The following MBNL2 variants were observed in gnomAD, a reference collection of about 807,000 sequenced individuals.
The protein encoded by MBNL2 is muscleblind-like protein 2.
MBNL2 carries 17 observed loss-of-function variants against 41.9 expected under a neutral mutation model. The ratio of observed to expected loss-of-function variants is 0.41; its 90% confidence interval spans 0.28 to 0.61. The LOEUF is 0.61. Ranked by LOEUF, MBNL2 falls within the 20% of genes least tolerant of loss-of-function variation. The probability of loss-of-function intolerance (pLI) is 0.35; values close to 1 mark genes in which losing one functional copy is unlikely to be tolerated. For synonymous variants in MBNL2, 195 were observed against 182.9 expected, an observed-to-expected ratio of 1.07 and a Z score of -0.53; for missense variants, 336 against 505.6, an observed-to-expected ratio of 0.66 and a Z score of 3.22.
intron 2 of MBNL2, among the ~76,000 whole-genome samples, chr13:97,314,330 G>A (rs538485637): frequency 6.6e-6 from 1 of 152,274 alleles, no homozygotes; most frequent in African/African-American, 2.4e-5. Context: ...ATGAAAACTT[G>A]TAAAGTTTTC....
upstream of MBNL2, among the ~76,000 whole-genome samples, chr13:97,218,860 C>A (rs929582027): frequency 2.6e-5 from 4 of 151,454 alleles, no homozygotes; most frequent in African/African-American, 9.7e-5. Context: ...ACATGTGTTA[C>A]GGAGCGCCTC....
Position 97,268,100 on chromosome 13 carries a change from C to T in MBNL2, c.-604-7532C>T, listed in dbSNP as rs528841397. 1.7e-4 allele frequency among the ~76,000 whole-genome samples: 25 copies of T among 145,208 alleles called. 1 individual carries two copies. The highest frequency in any genetic ancestry group is 7.0e-4 in the African/African-American group (25 of 35,732). Reference sequence around the variant, plus strand: ...TCCTTCCTTCCTTCCTTCCTTCCTTCCTTTCTTTCTTTTGAGACAGCGTCG... The same window carrying T: ...TCCTTCCTTCCTTCCTTCCTTCCTTTCTTTCTTTCTTTTGAGACAGCGTCG... On this transcript the variant is annotated intron_variant, in intron 1 of 8. Transcript: ENST00000679496. This position sits in a 1 kb window ranked among gnomAD's most constrained non-coding sequence, Gnocchi z 4.6.
chr13:97,270,285 C>A (rs933735143), intron 1 of MBNL2, among the ~76,000 whole-genome samples: 22 of 152,156 alleles, frequency 1.4e-4, no homozygotes, highest in African/African-American at 5.1e-4. Context: ...ATATTTAACC[C>A]AATATATTAA....
chr13:97,252,506 C>T (rs1241492959), intron 1 of MBNL2, among the ~76,000 whole-genome samples: 2 of 152,084 alleles, frequency 1.3e-5, no homozygotes, highest in African/African-American at 4.8e-5. Context: ...CAAGAATCTA[C>T]AAATATCTTT....
intron 7 of MBNL2, among the ~76,000 whole-genome samples, chr13:97,359,117 C>T (rs2063205214): frequency 6.6e-6 from 1 of 152,062 alleles, no homozygotes; most frequent in South Asian, 2.1e-4. Context: ...AGTGACATCC[C>T]AGTGCTGTTA....
chr13:97,197,916 A>G, the MBNL2 span, among the ~76,000 whole-genome samples: 1 of 152,148 alleles, frequency 6.6e-6, no homozygotes, highest in Admixed American at 6.5e-5. Context: ...AATGTTTAGC[A>G]AGTTAGAAAG....
chr13:97,375,499 C>T (rs1435625509), intron 8 of MBNL2, among the ~76,000 whole-genome samples: 1 of 152,142 alleles, frequency 6.6e-6, no homozygotes, highest in African/African-American at 2.4e-5. Flanking sequence ...ATTCCTGACA[C>T]CATGACCAGC....
At chr13:97,222,721 C>T (rs1295040107) in intron 1 of MBNL2, among the ~76,000 whole-genome samples, 190 bp downstream of exon 1, 1 of 152,174 alleles carries the variant, frequency 6.6e-6, no homozygotes, top group African/African-American at 2.4e-5. Flanking sequence ...TGAATCTATG[C>T]CGCCTGTTTG....
intron 5 of MBNL2, among the ~76,000 whole-genome samples, chr13:97,356,529 C>CT (rs1448702709): frequency 6.6e-6 from 1 of 152,060 alleles, no homozygotes; most frequent in Non-Finnish European, 1.5e-5. Context: ...CTCTTATATG[C>CT]TTTTAACTAA....
At chr13:97,371,066 A>T (rs1396385601) in intron 8 of MBNL2, among the ~76,000 whole-genome samples, 1 of 152,214 alleles carries the variant, frequency 6.6e-6, no homozygotes, top group African/African-American at 2.4e-5. Context: ...TTTTCATATG[A>T]AAATAAATTT....
chr13:97,205,287 A>C, the MBNL2 span, among the ~76,000 whole-genome samples: 1 of 150,398 alleles, frequency 6.6e-6, no homozygotes, highest in African/African-American at 2.4e-5. Flanking sequence ...GCTACTCAGA[A>C]GGCTGAGGCA....
At chr13:97,389,996 AAT>A (rs1446476148) in intron 8 of MBNL2, among the ~76,000 whole-genome samples, 4 of 152,150 alleles carry the variant, frequency 2.6e-5, no homozygotes, top group East Asian at 1.9e-4. Flanking sequence ...CATATAAAAT[AAT>A]ATCTTATTAA....
chr13:97,278,938 T>C (rs1197560271), intron 2 of MBNL2, among the ~76,000 whole-genome samples: 1 of 152,208 alleles, frequency 6.6e-6, no homozygotes, highest in African/African-American at 2.4e-5. Context: ...CATTTATGAC[T>C]TCTTGACTTG....
At chr13:97,256,353 T>A (rs2047525018) in intron 1 of MBNL2, among the ~76,000 whole-genome samples, 1 of 132,582 alleles carries the variant, frequency 7.5e-6, no homozygotes, top group Non-Finnish European at 1.5e-5. Flanking sequence ...TTTTAATCAA[T>A]TTTTTTTTTT....
the MBNL2 span, among the ~76,000 whole-genome samples, chr13:97,184,604 T>C: frequency 9.8e-4 from 150 of 152,292 alleles, no homozygotes; most frequent in African/African-American, 3.0e-3. Context: ...TGCCTCAGCC[T>C]CCTGAGTAGC....
intron 2 of MBNL2, among the ~76,000 whole-genome samples, chr13:97,323,473 T>C (rs78722063): frequency 6.6e-6 from 1 of 152,344 alleles, no homozygotes; most frequent in East Asian, 1.9e-4. Flanking sequence ...CCCTAAACAG[T>C]AAAGTATAAC....
chr13:97,170,129 A>T, the MBNL2 span, among the ~76,000 whole-genome samples: 1 of 152,170 alleles, frequency 6.6e-6, no homozygotes, highest in African/African-American at 2.4e-5. Flanking sequence ...GTTTTTTGTG[A>T]CTAGAATGTC....
At chr13:97,252,438 T>C (rs2046749935) in intron 1 of MBNL2, among the ~76,000 whole-genome samples, 1 of 152,326 alleles carries the variant, frequency 6.6e-6, no homozygotes, top group South Asian at 2.1e-4. Context: ...TTTGAGGTTT[T>C]ATTAAAATAG....
At chr13:97,353,879 T>C (rs541038275) in intron 5 of MBNL2, among the ~76,000 whole-genome samples, 1 of 152,288 alleles carries the variant, frequency 6.6e-6, no homozygotes, top group South Asian at 2.1e-4. Flanking sequence ...GGAACTTTGA[T>C]TGGCATCCTG....
Sources: allele counts gnomAD v4.1 joint callset (sites outside exome capture counted in the v4.1 genomes callset), GRCh38; gene constraint gnomAD v4.1.1; non-coding constraint Gnocchi (gnomAD v3.1); transcripts MANE v1.5; gene names NCBI Gene and HGNC (gene_info 2026-07-23, HGNC 2026-07-21).